FHIP1A: variants seen among roughly 807,000 people sequenced by gnomAD.
FHIP1A encodes FHF complex subunit HOOK interacting protein 1A.
Under a neutral mutation model 88.6 loss-of-function variants are expected in FHIP1A, and 61 were observed. The ratio of observed to expected loss-of-function variants is 0.69; its 90% CI spans 0.56 to 0.85. The LOEUF (loss-of-function observed/expected upper bound fraction) is 0.85. FHIP1A is among the 40% of genes least tolerant of loss of function. The probability of loss-of-function intolerance (pLI) is 0.00; values close to 1 mark genes in which losing one functional copy is unlikely to be tolerated. For synonymous variants in FHIP1A, 478 were observed against 496.0 expected, an observed-to-expected ratio of 0.96 and a Z score of 0.48; for missense variants, 1,154 against 1,273.5, an observed-to-expected ratio of 0.91 and a Z score of 1.43.
At chr4:151,505,755 T>A (rs187897512) in intron 3 of FHIP1A, among the ~76,000 whole-genome samples, 1 of 152,252 alleles carries the variant, frequency 6.6e-6, no homozygotes, top group East Asian at 1.9e-4. Flanking sequence ...GAAGAAAGGA[T>A]CACTTGATAC....
chr4:151,616,444 C>CTTTTTTTTTTTTT (rs763599410), intron 7 of FHIP1A, among the ~76,000 whole-genome samples: 5 of 113,384 alleles, frequency 4.4e-5, no homozygotes, highest in Non-Finnish European at 7.4e-5. Context: ...TTCTTTCTTT[C>CTTTTTTTTTTTTT]TTTTTTTTTT....
At chr4:151,570,722 A>G (rs1733569584) in intron 4 of FHIP1A, among the ~76,000 whole-genome samples, 1 of 152,230 alleles carries the variant, frequency 6.6e-6, no homozygotes, top group African/African-American at 2.4e-5. Flanking sequence ...TGCCCGGAAC[A>G]GAGTGTGACA....
chr4:151,564,172 T>C (rs931765611), intron 3 of FHIP1A, among the ~76,000 whole-genome samples: 2 of 152,222 alleles, frequency 1.3e-5, no homozygotes, highest in Non-Finnish European at 2.9e-5. Context: ...TTAGAAGCAA[T>C]TGGCATGATG....
intron 1 of FHIP1A, among the ~76,000 whole-genome samples, chr4:151,441,067 A>G (rs1013852929): frequency 6.6e-6 from 1 of 152,024 alleles, no homozygotes; most frequent in African/African-American, 2.4e-5. Flanking sequence ...CCCCCCTATC[A>G]TGTTTCTGGG....
intron 7 of FHIP1A, among the ~76,000 whole-genome samples, chr4:151,618,568 T>C (rs1735628504): frequency 6.6e-6 from 1 of 152,242 alleles, no homozygotes; most frequent in Non-Finnish European, 1.5e-5. Context: ...TCTATTATCC[T>C]GTAGATCCTC....
At chr4:151,431,392 G>A (rs1485668371) in intron 1 of FHIP1A, among the ~76,000 whole-genome samples, 1 of 152,106 alleles carries the variant, frequency 6.6e-6, no homozygotes, top group African/African-American at 2.4e-5. Flanking sequence ...TTTGCATTAA[G>A]CCCCTTATTA....
chr4:151,521,239 CT>C (rs1484871501), intron 3 of FHIP1A, among the ~76,000 whole-genome samples: 1 of 152,110 alleles, frequency 6.6e-6, no homozygotes, highest in African/African-American at 2.4e-5. Flanking sequence ...GGTATGTAGG[CT>C]ACCCTAGATT....
intron 1 of FHIP1A, among the ~76,000 whole-genome samples, chr4:151,425,917 T>G (rs1174975270): frequency 6.6e-6 from 1 of 152,202 alleles, no homozygotes; most frequent in Non-Finnish European, 1.5e-5. Flanking sequence ...GGACATGTTA[T>G]TGCATTTAGG....
At chr4:151,611,881 G>GT (rs1735336677) in intron 7 of FHIP1A, among the ~76,000 whole-genome samples, 1 of 152,138 alleles carries the variant, frequency 6.6e-6, no homozygotes, top group Non-Finnish European at 1.5e-5. Flanking sequence ...TAACATCTCA[G>GT]TTTTAAAAAC....
In FHIP1A at chr4:151,626,531, GAC is replaced by G. The variant is rs113991417; in HGVS notation, c.979-3168_979-3167del. On this transcript the variant is annotated intron_variant, in intron 7 of 13. Coordinates refer to ENST00000435205, the MANE Select transcript of FHIP1A (RefSeq NM_001109977.3). ...TCTTAGGGATAATTACTCATTTGTG[GAC>G]ACTGAGTTTTCTTTAGGTTATTTCA... Among the ~76,000 whole-genome samples, 436 of 152,248 alleles carry G rather than the reference GAC, an allele frequency of 2.9e-3. 2 individuals carry two copies. The highest frequency in any genetic ancestry group is 0.01 in the African/African-American group (423 of 41,550).
chr4:151,555,260 T>C (rs924451127), intron 3 of FHIP1A, among the ~76,000 whole-genome samples: 4 of 152,200 alleles, frequency 2.6e-5, no homozygotes, highest in African/African-American at 9.6e-5. Context: ...CCTTTAAATG[T>C]ATTGCTTTCC....
intron 1 of FHIP1A, among the ~76,000 whole-genome samples, chr4:151,449,906 A>G (rs1024102728): frequency 1.3e-4 from 20 of 152,166 alleles, no homozygotes; most frequent in African/African-American, 4.6e-4. Flanking sequence ...TTTTTCTGTG[A>G]TGATTTTTTA....
chr4:151,418,411 A>G (rs767571785), intron 1 of FHIP1A, among the ~76,000 whole-genome samples: 10 of 152,168 alleles, frequency 6.6e-5, no homozygotes, highest in Non-Finnish European at 1.5e-4. Flanking sequence ...GTTGCTATAG[A>G]TAGTAAGAAC....
chr4:151,452,955 T>TACACACAC (rs374067458), intron 1 of FHIP1A, among the ~76,000 whole-genome samples: 164 of 147,906 alleles, frequency 1.1e-3, no homozygotes, highest in Admixed American at 1.8e-3. Context: ...TATATATACA[T>TACACACAC]ACACACACAC....
At chr4:151,653,648 CAT>C in intron 11 of FHIP1A, among the ~76,000 whole-genome samples, 1 of 152,264 alleles carries the variant, frequency 6.6e-6, no homozygotes, top group Admixed American at 6.5e-5. Context: ...TCTCTATTAA[CAT>C]AGAAATGCTG....
intron 7 of FHIP1A, among the ~76,000 whole-genome samples, chr4:151,608,037 CTTTTTTTTTTTT>C (rs376335318): frequency 7.4e-5 from 5 of 67,140 alleles, no homozygotes; most frequent in East Asian, 4.4e-4. Flanking sequence ...CTTTCTTCTT[CTTTTTTTTTTTT>C]TTTTTTTTTT....
At chr4:151,560,621 C>T (rs1199221380) in intron 3 of FHIP1A, among the ~76,000 whole-genome samples, 1 of 151,986 alleles carries the variant, frequency 6.6e-6, no homozygotes, top group African/African-American at 2.4e-5. Flanking sequence ...TTCTTAATAG[C>T]TTTCAACAAA....
At chr4:151,558,230 A>C (rs1298220330) in intron 3 of FHIP1A, among the ~76,000 whole-genome samples, 1 of 152,158 alleles carries the variant, frequency 6.6e-6, no homozygotes, top group Non-Finnish European at 1.5e-5. Context: ...CTCATAAGAA[A>C]AGCCAATTTT....
chr4:151,465,924 G>A (rs903490894), intron 2 of FHIP1A, among the ~76,000 whole-genome samples: 2 of 152,072 alleles, frequency 1.3e-5, no homozygotes, highest in African/African-American at 4.8e-5. Context: ...TATACTGAAT[G>A]GGCAAAAGCT....
Sources: allele counts gnomAD v4.1 joint callset (sites outside exome capture counted in the v4.1 genomes callset), GRCh38; gene constraint gnomAD v4.1.1; transcripts MANE v1.5; gene names NCBI Gene and HGNC (gene_info 2026-07-23, HGNC 2026-07-21).